Variants in ZMYND11 observed in about 807,000 individuals in gnomAD.
The protein encoded by ZMYND11 is zinc finger MYND-type containing 11, also known as zinc finger MYND domain-containing protein 11.
In ZMYND11, 9 loss-of-function variants were observed where a neutral mutation model predicts 84.9. The observed-to-expected ratio is 0.11, with a 90% confidence interval of 0.06 to 0.18. ZMYND11 has a LOEUF of 0.18. Ranked by LOEUF, ZMYND11 falls within the 10% of genes least tolerant of loss-of-function variation. ZMYND11 has a pLI of 1.00. For missense variants in ZMYND11, 409 were observed against 761.0 expected (o/e 0.54, Z 5.44); for synonymous variants, 250 against 244.1 (o/e 1.02, Z -0.23).
At chr10:200,103 A>T (rs1405605147) in intron 2 of ZMYND11, among the ~76,000 whole-genome samples, 2 of 150,860 alleles carry the variant, frequency 1.3e-5, no homozygotes, top group African/African-American at 4.9e-5. Context: ...AATACACACC[A>T]TTTCTTTTTC....
At chr10:233,297 G>GGCA (rs1949335304) in intron 4 of ZMYND11, among the ~76,000 whole-genome samples, 5 of 152,302 alleles carry the variant, frequency 3.3e-5, no homozygotes, top group Middle Eastern at 3.4e-3. Context: ...GTGCACTGGT[G>GGCA]CAGCCAAGTC....
At chr10:165,461 C>T (rs951534728) in intron 1 of ZMYND11, among the ~76,000 whole-genome samples, 1 of 152,114 alleles carries the variant, frequency 6.6e-6, no homozygotes, top group Non-Finnish European at 1.5e-5. Flanking sequence ...AGCTCTATCT[C>T]CACATACCTA....
At chr10:232,617 A>G (rs563728140) in intron 4 of ZMYND11, among the ~76,000 whole-genome samples, 1 of 152,196 alleles carries the variant, frequency 6.6e-6, no homozygotes, top group Non-Finnish European at 1.5e-5. Context: ...GTGCTTGAGA[A>G]GGGCTTCATG....
At chr10:229,998 TAA>T (rs2131564591) in intron 4 of ZMYND11, among the ~76,000 whole-genome samples, 1 of 152,336 alleles carries the variant, frequency 6.6e-6, no homozygotes, top group Non-Finnish European at 1.5e-5. Flanking sequence ...AAATAAATTT[TAA>T]GAGAATTTTA....
intron 1 of ZMYND11, among the ~76,000 whole-genome samples, chr10:167,325 G>A (rs1223505741): frequency 6.6e-6 from 1 of 152,030 alleles, no homozygotes; most frequent in African/African-American, 2.4e-5. Flanking sequence ...TCAAATGGGT[G>A]AATTGTATGT....
At chr10:133,865 C>T (rs1835399523), upstream of ZMYND11, among the ~76,000 whole-genome samples, 1 of 152,154 alleles carries the variant, frequency 6.6e-6, no homozygotes, top group South Asian at 2.1e-4. Flanking sequence ...TGGGATGTAT[C>T]AGATTGAGGG....
chr10:217,429 G>A (rs558624286), intron 3 of ZMYND11, among the ~76,000 whole-genome samples: 4 of 151,488 alleles, frequency 2.6e-5, no homozygotes, highest in East Asian at 3.9e-4. Flanking sequence ...AAGCTGAGGC[G>A]CAAGAATTGC....
intron 1 of ZMYND11, among the ~76,000 whole-genome samples, chr10:168,281 C>G (rs572456940): frequency 6.6e-6 from 1 of 151,928 alleles, no homozygotes; most frequent in South Asian, 2.1e-4. Flanking sequence ...AATAAAAGAC[C>G]AAACACATTA....
rs140426838 is a variant in ZMYND11 at position 163,065 on chromosome 10, T to G, written c.-19-16929T>G. Among the ~76,000 whole-genome samples the G allele has an allele frequency of 9.0e-3, 1,378 of 152,332 alleles. 22 individuals carry two copies. The highest frequency in any genetic ancestry group is 0.031 in the African/African-American group (1,293 of 41,570). On this transcript the variant is annotated intron_variant, in intron 1 of 14. Coordinates refer to ENST00000381604, the MANE Select transcript of ZMYND11 (RefSeq NM_001370100.5). ...GCTTCCTGAGAAAAGGTGCATAAAT[T>G]TTTTTAATATCTACATGACTGAAAT...
intron 4 of ZMYND11, among the ~76,000 whole-genome samples, chr10:222,716 A>G (rs1947343708): frequency 6.6e-6 from 1 of 152,148 alleles, no homozygotes; most frequent in East Asian, 1.9e-4. Flanking sequence ...CAAAAAAAAA[A>G]AGAGGCAATG....
At chr10:201,436 T>A (rs1184284887) in intron 2 of ZMYND11, among the ~76,000 whole-genome samples, 1 of 152,204 alleles carries the variant, frequency 6.6e-6, no homozygotes, top group Admixed American at 6.5e-5. Flanking sequence ...TTTTCCAATA[T>A]ATTCATTTCA....
chr10:140,136 AGAG>A (rs1282077529), intron 1 of ZMYND11, among the ~76,000 whole-genome samples: 11 of 152,190 alleles, frequency 7.2e-5, no homozygotes, highest in Non-Finnish European at 1.5e-5. Flanking sequence ...CAGAAACAGA[AGAG>A]AAGTGGGTGA....
upstream of ZMYND11, among the ~76,000 whole-genome samples, chr10:134,275 C>A (rs1835429532): frequency 6.6e-6 from 1 of 152,112 alleles, no homozygotes; most frequent in Non-Finnish European, 1.5e-5. Context: ...CCTTGCTGTC[C>A]TGTACTCACC....
At chr10:197,492 T>A (rs1484423152) in intron 2 of ZMYND11, among the ~76,000 whole-genome samples, 4 of 152,202 alleles carry the variant, frequency 2.6e-5, no homozygotes, top group African/African-American at 7.2e-5. Context: ...AAGGCTAATA[T>A]AAGAAAGACT....
At chr10:174,620 C>T (rs1057155882) in intron 1 of ZMYND11, among the ~76,000 whole-genome samples, 3 of 151,578 alleles carry the variant, frequency 2.0e-5, no homozygotes, top group Non-Finnish European at 4.4e-5. Context: ...ACTACAGTGG[C>T]ACGTGCTTGT....
chr10:130,712 C>A (rs1588303171), upstream of ZMYND11, among the ~76,000 whole-genome samples: 2 of 152,176 alleles, frequency 1.3e-5, no homozygotes, highest in South Asian at 2.1e-4. Flanking sequence ...AAATCATACT[C>A]CTGAAAAACA....
intron 4 of ZMYND11, among the ~76,000 whole-genome samples, chr10:224,096 C>A (rs1224097428): frequency 6.6e-6 from 1 of 152,134 alleles, no homozygotes; most frequent in East Asian, 1.9e-4. Flanking sequence ...TGAAAAGAAG[C>A]CCTTTTCTAA....
At chr10:155,708 A>T (rs1450128812) in intron 1 of ZMYND11, among the ~76,000 whole-genome samples, 1 of 152,222 alleles carries the variant, frequency 6.6e-6, no homozygotes, top group Non-Finnish European at 1.5e-5. Flanking sequence ...GCCAAGATTT[A>T]AAAAAGACCA....
intron 1 of ZMYND11, among the ~76,000 whole-genome samples, chr10:162,605 A>G (rs1368747003): frequency 6.6e-6 from 1 of 152,106 alleles, no homozygotes; most frequent in Non-Finnish European, 1.5e-5. Context: ...CAGTATCTCT[A>G]GAGGTGATGA....
Sources: gnomAD v4.1 joint callset for allele counts (sites outside exome capture counted in the v4.1 genomes callset) on GRCh38, gnomAD v4.1.1 for gene constraint, MANE v1.5 for transcripts, NCBI Gene and HGNC (gene_info 2026-07-23, HGNC 2026-07-21) for gene names.